Variants in ZNF420 observed in about 807,000 individuals in gnomAD.
ZNF420 encodes ATM and p53-associated KZNF protein.
In ZNF420, 31 loss-of-function variants were observed where a neutral mutation model predicts 44.7. The observed-to-expected ratio is 0.69, with a 90% CI of 0.52 to 0.94. ZNF420 has a LOEUF of 0.94. Ranked by LOEUF, ZNF420 falls within the 40% of genes least tolerant of loss-of-function variation. The probability of loss-of-function intolerance (pLI) is 0.00; values close to 1 mark genes in which losing one functional copy is unlikely to be tolerated. For missense variants in ZNF420, 681 were observed against 827.9 expected (o/e 0.82, Z 2.18); for synonymous variants, 245 against 267.4 (o/e 0.92, Z 0.82).
chr19:37,115,646 T>C (rs1274592071), intron 4 of ZNF420, among the ~76,000 whole-genome samples: 6 of 151,854 alleles, frequency 4.0e-5, no homozygotes, highest in African/African-American at 7.3e-5. Flanking sequence ...CACTGAGACA[T>C]TCTATTGCCC....
At chr19:37,082,445 G>A (rs1296682664) in intron 2 of ZNF420, among the ~76,000 whole-genome samples, 1 of 152,182 alleles carries the variant, frequency 6.6e-6, no homozygotes, top group Admixed American at 6.5e-5. Flanking sequence ...GATTACAGGT[G>A]TGAACAACCA....
At chr19:37,049,762 T>C (rs1223480280) in intron 1 of ZNF420, among the ~76,000 whole-genome samples, 1 of 152,214 alleles carries the variant, frequency 6.6e-6, no homozygotes, top group Non-Finnish European at 1.5e-5. Context: ...TGCCATTGCT[T>C]TTGGTGTTTT....
At chr19:37,028,825 G>C (rs1356880204) in intron 1 of ZNF420, among the ~76,000 whole-genome samples, 2 of 152,172 alleles carry the variant, frequency 1.3e-5, no homozygotes, top group African/African-American at 4.8e-5. Flanking sequence ...AAGTTATGTT[G>C]AATAAGTGGC....
chr19:37,121,324 A>T (rs548241345), intron 4 of ZNF420, among the ~76,000 whole-genome samples: 3 of 147,674 alleles, frequency 2.0e-5, no homozygotes, highest in African/African-American at 7.6e-5. Context: ...AATGCCGCAT[A>T]TCTACAACTA....
At chr19:37,115,829 C>T (rs1270901124) in intron 4 of ZNF420, among the ~76,000 whole-genome samples, 2 of 152,068 alleles carry the variant, frequency 1.3e-5, no homozygotes, top group East Asian at 3.9e-4. Context: ...AAACCTTGGA[C>T]AATACCTGGC....
intron 4 of ZNF420, among the ~76,000 whole-genome samples, chr19:37,124,132 C>G (rs995233230): frequency 6.6e-6 from 1 of 152,152 alleles, no homozygotes; most frequent in Non-Finnish European, 1.5e-5. Flanking sequence ...AAAAACTACT[C>G]ACCAAATTCC....
intron 1 of ZNF420, among the ~76,000 whole-genome samples, chr19:37,046,998 A>G (rs919348850): frequency 6.6e-6 from 1 of 151,626 alleles, no homozygotes; most frequent in Non-Finnish European, 1.5e-5. Context: ...ACAGAAAAGC[A>G]AAACAAAATA....
intron 1 of ZNF420, among the ~76,000 whole-genome samples, chr19:37,028,682 G>A (rs1313480291): frequency 1.3e-5 from 2 of 152,134 alleles, no homozygotes; most frequent in African/African-American, 4.8e-5. Context: ...TTCATAATCT[G>A]ACTATATATA....
intron 4 of ZNF420, among the ~76,000 whole-genome samples, chr19:37,095,142 A>C (rs1969370115): frequency 6.6e-6 from 1 of 152,070 alleles, no homozygotes; most frequent in African/African-American, 2.4e-5. Context: ...AAAAAAAAAA[A>C]AAAAAGAAAT....
At chr19:37,089,751 A>G (rs1666699132) in intron 3 of ZNF420, among the ~76,000 whole-genome samples, 1 of 152,238 alleles carries the variant, frequency 6.6e-6, no homozygotes, top group African/African-American at 2.4e-5. Flanking sequence ...ATCATAGTGA[A>G]GATGATCATT....
At chr19:37,090,929 A>G (rs965224020) in intron 3 of ZNF420, 66 bp from the exon 4 acceptor site, 6 of 1,544,496 alleles carry the variant, frequency 3.9e-6, no homozygotes, top group Admixed American at 1.9e-5. Context: ...CAAAAAAAAA[A>G]AAAGAAAGAA....
intron 1 of ZNF420, among the ~76,000 whole-genome samples, chr19:37,052,933 C>T (rs952080753): frequency 2.0e-5 from 3 of 152,136 alleles, no homozygotes; most frequent in Non-Finnish European, 4.4e-5. Flanking sequence ...GGGAAGTTCC[C>T]CTGGATAATA....
At chr19:37,078,417 A>T (rs953240341), upstream of ZNF420, 28 of 152,220 alleles carry the variant, frequency 1.8e-4, no homozygotes, top group African/African-American at 6.8e-4. Context: ...GCGTAGCTTC[A>T]TTTCCGTTAG....
intron 2 of ZNF420, among the ~76,000 whole-genome samples, chr19:37,085,945 A>G (rs976081611): frequency 2.0e-5 from 2 of 97,904 alleles, no homozygotes; most frequent in African/African-American, 7.7e-5. Flanking sequence ...TTTTATTATT[A>G]TTATTATTAT....
Position 37,057,261 on chromosome 19 carries a change from G to A in ZNF420, c.-124-23084G>A, listed in dbSNP as rs569503540. On this transcript the variant is annotated intron_variant, in intron 1 of 4. Transcript: ENST00000587029. ...CGGCATCCAAGCCTCAGGCCTGCCC[G>A]GACGGGGATCGGGTGAGCCTCCCCA... is the stretch of plus-strand genomic sequence containing the variant. 3.0e-3 allele frequency among the ~76,000 whole-genome samples: 460 copies of A among 152,344 alleles called. 3 individuals are homozygous for A. Among genetic ancestry groups the A allele is most frequent in the Non-Finnish European group, 4.1e-3 (277 of 68,034 alleles).
At position 37,017,315 on chromosome 19, in the gene ZNF420, T is replaced by C. The variant is rs538627221; in HGVS notation, c.-125+9233T>C. On this transcript the variant is annotated intron_variant, in intron 1 of 4. Coordinates refer to the ZNF420 transcript ENST00000587029. ...ACTCTAAATCTGATTAGTGTCAGAA[T>C]TGAAGTGCAGGATGCCCAATTGGTG... 2.6e-4 allele frequency among the ~76,000 whole-genome samples: 39 copies of C among 152,292 alleles called. No homozygotes were observed. In the South Asian group the frequency reaches 6.2e-3, roughly 24 times the overall value.
intron 1 of ZNF420, among the ~76,000 whole-genome samples, chr19:37,011,837 G>A (rs759817177): frequency 6.6e-6 from 1 of 152,104 alleles, no homozygotes; most frequent in East Asian, 1.9e-4. Context: ...CCTTGGACTC[G>A]CCCCTGTTCC....
chr19:37,083,373 G>A (rs1968580358), intron 2 of ZNF420, among the ~76,000 whole-genome samples: 1 of 151,994 alleles, frequency 6.6e-6, no homozygotes, highest in South Asian at 2.1e-4. Flanking sequence ...TCTATAAAGG[G>A]AGCCATCCTT....
In ZNF420 at chr19:37,130,136, C is replaced by CA. The variant is rs1433511375; in HGVS notation, c.*1079dup. On this transcript the variant is annotated 3_prime_UTR_variant, in exon 5 of 5. Coordinates refer to ENST00000337995, the MANE Select transcript of ZNF420 (RefSeq NM_144689.5). ...TTTTTTTCCGTGCCTACAATGTGGACATCTAAGCTGGAGCTCCGTTACTCT... is the reference window on the plus strand; with the variant it reads ...TTTTTTTCCGTGCCTACAATGTGGACAATCTAAGCTGGAGCTCCGTTACTCT... The CA allele has an allele frequency of 1.3e-6, 2 of 1,550,234 alleles. No homozygotes were observed. The highest frequency in any genetic ancestry group is 1.7e-6 in the Non-Finnish European group (2 of 1,146,950).
Sources: gnomAD v4.1 joint callset for allele counts (sites outside exome capture counted in the v4.1 genomes callset) on GRCh38, gnomAD v4.1.1 for gene constraint, MANE v1.5 for transcripts, NCBI Gene and HGNC (gene_info 2026-07-23, HGNC 2026-07-21) for gene names.